The following LRMDA variants were observed in gnomAD, a reference collection of about 807,000 sequenced individuals.
LRMDA encodes the protein leucine-rich melanocyte differentiation-associated protein.
LRMDA carries 18 observed loss-of-function variants against 29.8 expected under a neutral mutation model. The observed-to-expected ratio is 0.60, with a 90% CI of 0.42 to 0.90. The LOEUF is 0.90. Among genes scored for constraint, LRMDA ranks in the 40% least tolerant of loss-of-function variants. The pLI is 0.00. For missense variants in LRMDA, 273 were observed against 273.9 expected, an observed-to-expected ratio of 1.00 and a Z score of 0.02; for synonymous variants, 125 against 109.4, an observed-to-expected ratio of 1.14 and a Z score of -0.89.
chr10:75,660,057 C>T (rs899522314), intron 2 of LRMDA, among the ~76,000 whole-genome samples: 4 of 152,104 alleles, frequency 2.6e-5, no homozygotes, highest in Non-Finnish European at 4.4e-5. Context: ...GTCTGGGTGT[C>T]TCTGTCTTTC....
intron 6 of LRMDA, among the ~76,000 whole-genome samples, chr10:76,504,096 A>G (rs1589217311): frequency 6.6e-6 from 1 of 151,978 alleles, no homozygotes; most frequent in East Asian, 1.9e-4. Flanking sequence ...TGCAAGAGTT[A>G]CTGAGGAGCA....
At chr10:76,068,233 A>G (rs936669448) in intron 5 of LRMDA, among the ~76,000 whole-genome samples, 1 of 152,230 alleles carries the variant, frequency 6.6e-6, no homozygotes, top group African/African-American at 2.4e-5. Flanking sequence ...GAAAATATAA[A>G]AGAAAACTCA....
intron 6 of LRMDA, among the ~76,000 whole-genome samples, chr10:76,516,050 T>G (rs948326223): frequency 1.3e-5 from 2 of 152,192 alleles, no homozygotes; most frequent in Non-Finnish European, 2.9e-5. Context: ...ATCCTTGAAG[T>G]TTAATCAAGT....
chr10:75,657,392 C>T (rs969977989), intron 2 of LRMDA, among the ~76,000 whole-genome samples: 6 of 152,080 alleles, frequency 3.9e-5, no homozygotes, highest in Non-Finnish European at 5.9e-5. Context: ...AGGGTGAAAG[C>T]GTGGTAGGCG....
intron 5 of LRMDA, among the ~76,000 whole-genome samples, chr10:76,180,388 T>A (rs141448940): frequency 0.015 from 2,201 of 150,084 alleles, 56 homozygotes; most frequent in African/African-American, 0.049. Context: ...CAAACAATTT[T>A]CCTCCCTCAG....
intron 5 of LRMDA, among the ~76,000 whole-genome samples, chr10:76,292,373 C>T (rs1035566225): frequency 6.6e-6 from 1 of 152,096 alleles, no homozygotes; most frequent in African/African-American, 2.4e-5. Flanking sequence ...GGTGACGGAG[C>T]AGAGCCTGGA....
At chr10:75,511,241 G>T (rs1175756749) in intron 2 of LRMDA, among the ~76,000 whole-genome samples, 1 of 152,138 alleles carries the variant, frequency 6.6e-6, no homozygotes. Flanking sequence ...AGGCTGAGGT[G>T]GGAGGATTGC....
At chr10:75,733,762 A>G (rs1400625073) in intron 2 of LRMDA, among the ~76,000 whole-genome samples, 1 of 152,188 alleles carries the variant, frequency 6.6e-6, no homozygotes, top group African/African-American at 2.4e-5. Context: ...AGACAGACAC[A>G]TCTTTTAAGG....
At chr10:76,006,051 G>A (rs903576053) in intron 2 of LRMDA, among the ~76,000 whole-genome samples, 6 of 152,154 alleles carry the variant, frequency 3.9e-5, no homozygotes, top group Middle Eastern at 3.2e-3. Flanking sequence ...TTGAAATGGA[G>A]TCGCTGTTTC....
rs555653908 is a variant in LRMDA at position 75,439,223 on chromosome 10, T to C, written c.131+729T>C. Among the ~76,000 whole-genome samples the C allele has an allele frequency of 5.9e-5, 9 of 152,222 alleles. No individual in the cohort carries two copies. In the East Asian group the frequency reaches 1.5e-3, roughly 26 times the overall value. On this transcript the variant is annotated intron_variant, in intron 2 of 6. Transcript: ENST00000611255. ...GTAAGAGGTACTTGGAAAGCAGGTG[T>C]CAGTGGGATAAGAGCAGGGGTCAGG...
chr10:76,415,667 C>T (rs566037326), intron 6 of LRMDA, among the ~76,000 whole-genome samples: 25 of 152,050 alleles, frequency 1.6e-4, no homozygotes, highest in Middle Eastern at 3.2e-3. Context: ...ATTAAGGATA[C>T]GATCCCATAC....
intron 2 of LRMDA, among the ~76,000 whole-genome samples, chr10:75,933,435 A>G (rs1234220442): frequency 6.6e-6 from 1 of 152,220 alleles, no homozygotes. Flanking sequence ...AGTTATGGCT[A>G]AATTGTAGTC....
Position 75,853,863 on chromosome 10 carries a change from C to T in LRMDA, c.132-182145C>T, listed in dbSNP as rs113829517. 8.5e-3 allele frequency among the ~76,000 whole-genome samples: 1,291 copies of T among 152,232 alleles called. 6 individuals are homozygous for T. The highest frequency in any genetic ancestry group is 0.014 in the Non-Finnish European group (982 of 68,014). ...TCCCCAACTCTTATTAGATTCCTAC[C>T]CATAGTAGTAGAATTCTGCTTGTTG... On this transcript the variant is annotated intron_variant, in intron 2 of 6. Transcript: ENST00000611255.
chr10:75,587,060 T>C (rs1840665350), intron 2 of LRMDA, among the ~76,000 whole-genome samples: 1 of 152,256 alleles, frequency 6.6e-6, no homozygotes, highest in Non-Finnish European at 1.5e-5. Context: ...GAGACCAATG[T>C]CAAGAAGCCT....
intron 6 of LRMDA, among the ~76,000 whole-genome samples, chr10:76,502,190 G>A (rs1842917212): frequency 6.6e-6 from 1 of 151,814 alleles, no homozygotes; most frequent in Non-Finnish European, 1.5e-5. Flanking sequence ...CTTTATTTCT[G>A]TGTTTTCTTT....
intron 6 of LRMDA, among the ~76,000 whole-genome samples, chr10:76,412,007 G>A (rs1335441385): frequency 6.6e-6 from 1 of 152,210 alleles, no homozygotes; most frequent in African/African-American, 2.4e-5. Context: ...CATTTACAAG[G>A]CGCCAGCCTC....
At position 75,994,924 on chromosome 10, in the gene LRMDA, C is replaced by T. The variant is rs545657327; in HGVS notation, c.132-41084C>T. The stretch of plus-strand genomic sequence containing the variant: ...CAAGGTTAGCATTTTGTAGTTTGCT[C>T]TCAAGGAGTAGTCATTTAAATTTTC... On this transcript the variant is annotated intron_variant, in intron 2 of 6. Transcript: ENST00000611255. 4.6e-5 allele frequency among the ~76,000 whole-genome samples: 7 copies of T among 152,276 alleles called. No homozygotes were observed. The East Asian group carries it at 1.4e-3, about 29-fold the overall frequency.
intron 6 of LRMDA, among the ~76,000 whole-genome samples, chr10:76,436,064 C>G (rs1259415710): frequency 6.6e-6 from 1 of 152,154 alleles, no homozygotes; most frequent in Non-Finnish European, 1.5e-5. Flanking sequence ...TATATGAAAA[C>G]ATGATATTGG....
At chr10:76,187,260 G>A (rs1851166587) in intron 5 of LRMDA, among the ~76,000 whole-genome samples, 1 of 152,130 alleles carries the variant, frequency 6.6e-6, no homozygotes. Context: ...ATCATTGTAT[G>A]TTAAGGATAT....
Sources: gnomAD v4.1 joint callset for allele counts (sites outside exome capture counted in the v4.1 genomes callset) on GRCh38, gnomAD v4.1.1 for gene constraint, MANE v1.5 for transcripts, NCBI Gene and HGNC (gene_info 2026-07-23, HGNC 2026-07-21) for gene names.